Variants in AKR1C1 observed in about 807,000 individuals in gnomAD.
AKR1C1 encodes 20 alpha-hydroxysteroid dehydrogenase.
Under a neutral mutation model 40.6 loss-of-function variants are expected in AKR1C1, and 32 were observed. The ratio of observed to expected loss-of-function variants is 0.79; its 90% CI spans 0.60 to 1.06. The LOEUF is 1.06. Ranked by LOEUF, AKR1C1 falls within the 50% of genes least tolerant of loss-of-function variation. The probability of loss-of-function intolerance (pLI) is 0.00; values close to 1 mark genes in which losing one functional copy is unlikely to be tolerated. For synonymous variants in AKR1C1, 105 were observed against 134.2 expected (o/e 0.78, Z 1.50); for missense variants, 320 against 363.5 (o/e 0.88, Z 0.97).
At position 4,979,525 on chromosome 10, in the gene AKR1C1, A is replaced by G. The variant is rs549598610; in HGVS notation, c.*1783A>G. 8 of 152,236 alleles carry G rather than the reference A, an allele frequency of 5.3e-5. No individual in the cohort carries two copies. The East Asian group carries it at 1.3e-3, about 26-fold the overall frequency. 9.4% of individuals were successfully genotyped at this position (152,236 alleles called of 1,614,324 possible). On this transcript the variant is annotated 3_prime_UTR_variant, in exon 9 of 9. Coordinates refer to ENST00000380872, the MANE Select transcript of AKR1C1 (RefSeq NM_001353.6). ...CATAAACTTGACTGATGTAAGTGTC[A>G]AGAAAAGATTGACATTTTGTTAAAA... is the stretch of plus-strand genomic sequence containing the variant.
In AKR1C1 at chr10:4,980,212, A is replaced by G. The variant is rs1836595010; in HGVS notation, c.*2470A>G. The stretch of plus-strand genomic sequence containing the variant: ...CATCACCACAGCAATCACAAAGAGA[A>G]TAATTATGAATATACGCAAGAGGAA... On this transcript the variant is annotated 3_prime_UTR_variant, in exon 9 of 9. Coordinates refer to ENST00000380872, the MANE Select transcript of AKR1C1 (RefSeq NM_001353.6). 6.6e-6 allele frequency: 1 copy of G among 151,982 alleles called. No homozygotes were observed. Among genetic ancestry groups the G allele is most frequent in the South Asian group, 2.1e-4 (1 of 4,806 alleles). The allele number at this position is 151,982 out of a possible 1,614,324, so 9.4% of individuals were successfully genotyped here. A position where few individuals can be genotyped will look rare whatever the true frequency, so the allele number is the denominator to read the frequency against.
In AKR1C1 at chr10:4,977,782, G is replaced by C. The variant is rs35289491; in HGVS notation, c.*40G>C. On this transcript the variant is annotated 3_prime_UTR_variant, in exon 9 of 9. Transcript: ENST00000380872. ...CATGAGGTCTGCCAGAAGGCCCTGC[G>C]TGTGGATGGTGACACAGAGGATGGC... 2.0e-6 allele frequency: 3 copies of C among 1,494,678 alleles called. No individual in the cohort carries two copies. Among genetic ancestry groups the C allele is most frequent in the African/African-American group, 1.4e-5 (1 of 71,840 alleles). 92.6% of individuals were successfully genotyped at this position (1,494,678 alleles called of 1,614,324 possible).
At position 4,982,847 on chromosome 10, in the gene AKR1C1, T is replaced by G; in HGVS notation, c.*5105T>G. On this transcript the variant is annotated 3_prime_UTR_variant, in exon 9 of 9. Transcript: ENST00000380872. ...CTGTTCCCAGGAAGGAGAAAATGCCTGCATGAGCTCAGCTGTTACCACTGC... is the reference window on the plus strand; with the variant it reads ...CTGTTCCCAGGAAGGAGAAAATGCCGGCATGAGCTCAGCTGTTACCACTGC... The G allele has an allele frequency of 2.5e-6, 1 of 393,312 alleles. No individual in the cohort carries two copies. Among genetic ancestry groups the G allele is most frequent in the Non-Finnish European group, 5.1e-6 (1 of 196,340 alleles). 24.4% of individuals were successfully genotyped at this position (393,312 alleles called of 1,614,324 possible). A position where few individuals can be genotyped will look rare whatever the true frequency, so the allele number is the denominator to read the frequency against.
chr10:4,973,662 G>A (rs3890593), intron 7 of AKR1C1, among the ~76,000 whole-genome samples: 50,227 of 151,978 alleles, frequency 0.33, 9,229 homozygotes, highest in African/African-American at 0.49. Context: ...GTTGGAAGGA[G>A]CTGGAAATTC....
At chr10:4,971,382 C>G (rs559947057) in intron 5 of AKR1C1, among the ~76,000 whole-genome samples, 1 of 151,802 alleles carries the variant, frequency 6.6e-6, no homozygotes, top group African/African-American at 2.4e-5. Flanking sequence ...TCAGAGTAGA[C>G]AAAGATTGTT....
In AKR1C1 at chr10:4,981,680, G is replaced by A. The variant is rs1359004747; in HGVS notation, c.*3938G>A. On this transcript the variant is annotated 3_prime_UTR_variant, in exon 9 of 9. Transcript: ENST00000380872. ...CATCCCCAGATTCTGAGGGGAGAGA[G>A]TTCACTCCAGAGCATACATCCCCAC... 2.0e-5 allele frequency: 3 copies of A among 152,242 alleles called. No individual in the cohort carries two copies. Among genetic ancestry groups the A allele is most frequent in the African/African-American group, 7.2e-5 (3 of 41,446 alleles). The allele number at this position is 152,242 out of a possible 1,614,324, so 9.4% of individuals were successfully genotyped here.
At chr10:4,969,376 A>G (rs1836388207) in intron 5 of AKR1C1, among the ~76,000 whole-genome samples, 1 of 152,268 alleles carries the variant, frequency 6.6e-6, no homozygotes, top group Admixed American at 6.5e-5. Flanking sequence ...CTAGGGATTC[A>G]CATGGGCTTC....
chr10:4,969,833 CTT>C, intron 5 of AKR1C1: 2 of 1,288,590 alleles, frequency 1.6e-6, no homozygotes, highest in South Asian at 1.3e-5. Context: ...TGTTTTAAAA[CTT>C]AGAGTCAATC....
intron 3 of AKR1C1, chr10:4,967,785 C>T: frequency 4.3e-6 from 1 of 229,886 alleles, no homozygotes; most frequent in Non-Finnish European, 7.2e-6. Flanking sequence ...GCATTTATGG[C>T]TTTGGAGCAC....
intron 5 of AKR1C1, chr10:4,969,531 G>A: frequency 1.3e-6 from 1 of 769,118 alleles, no homozygotes; most frequent in South Asian, 1.7e-5. Flanking sequence ...TGTTCACAGT[G>A]GATGAAATCC....
chr10:4,972,548 G>A, intron 6 of AKR1C1, 36 bp from the exon 7 acceptor site: 5 of 1,610,870 alleles, frequency 3.1e-6, no homozygotes, highest in Non-Finnish European at 4.2e-6. Flanking sequence ...TGTATCCCCA[G>A]CCTCAGGGCC....
rs1255419324 is a variant in AKR1C1 at position 4,978,846 on chromosome 10, A to G, written c.*1104A>G. ...CTGGTTTCAAACTTTGGTAAATTTT[A>G]AGAACAACTCTTACAAAGGCATTTA... On this transcript the variant is annotated 3_prime_UTR_variant, in exon 9 of 9. Coordinates refer to ENST00000380872, the MANE Select transcript of AKR1C1 (RefSeq NM_001353.6). 2 of 152,240 alleles carry G rather than the reference A, an allele frequency of 1.3e-5. No individual in the cohort carries two copies. The highest frequency in any genetic ancestry group is 2.9e-5 in the Non-Finnish European group (2 of 68,034). The allele number at this position is 152,240 out of a possible 1,614,324, so 9.4% of individuals were successfully genotyped here.
At position 4,981,536 on chromosome 10, in the gene AKR1C1, T is replaced by C. The variant is rs1179166926; in HGVS notation, c.*3794T>C. ...GGAGATTAGTGTGTAGAGATTTACA[T>C]TGTGAATTTCTTTTCAAGAACCAAT... On this transcript the variant is annotated 3_prime_UTR_variant, in exon 9 of 9. Transcript: ENST00000380872. 14 of 152,194 alleles carry C rather than the reference T, an allele frequency of 9.2e-5. No individual in the cohort carries two copies. Among genetic ancestry groups the C allele is most frequent in the Non-Finnish European group, 2.9e-5 (2 of 68,024 alleles). 9.4% of individuals were successfully genotyped at this position (152,194 alleles called of 1,614,324 possible).
intron 4 of AKR1C1, 95 bp from the exon 5 acceptor site, chr10:4,968,727 G>A: frequency 6.3e-7 from 1 of 1,577,706 alleles, no homozygotes; most frequent in Non-Finnish European, 8.6e-7. Flanking sequence ...ACCACGGCTA[G>A]CTAGTTTTAT....
chr10:4,965,652 A>C (rs1439464721), intron 1 of AKR1C1: 2 of 370,328 alleles, frequency 5.4e-6, no homozygotes, highest in Non-Finnish European at 9.6e-6. Context: ...CCAAAAAATG[A>C]CTGAACCTGA....
intron 3 of AKR1C1, chr10:4,967,257 T>C (rs7076886): frequency 0.31 from 305,734 of 1,001,984 alleles, 50,328 homozygotes; most frequent in African/African-American, 0.58. Flanking sequence ...AGTGCAGAAC[T>C]CTCAAAGCCT....
chr10:4,972,924 G>A (rs1412808891), intron 7 of AKR1C1, among the ~76,000 whole-genome samples, 175 bp downstream of exon 7: 3 of 152,282 alleles, frequency 2.0e-5, no homozygotes, highest in African/African-American at 7.2e-5. Context: ...AGAGGCAACA[G>A]AGGTGGAGAG....
intron 2 of AKR1C1, 44 bp from the exon 3 acceptor site, chr10:4,966,883 G>C (rs535552767): frequency 1.6e-4 from 255 of 1,558,366 alleles, no homozygotes; most frequent in Non-Finnish European, 2.2e-4. Context: ...AGTAAAATTG[G>C]CTCAAGTTTT....
chr10:4,966,063 C>T lies in AKR1C1; in HGVS notation c.234C>T (p.Asp78=), dbSNP rs745663747. 8 of 1,613,734 alleles carry T rather than the reference C, an allele frequency of 5.0e-6. No individual in the cohort carries two copies. Among genetic ancestry groups the T allele is most frequent in the Non-Finnish European group, 5.9e-6 (7 of 1,179,800 alleles). The change falls in exon 2 of 9, where the codon GAC becomes GAT. Residue 78 remains aspartate (D), a synonymous_variant. Coordinates refer to ENST00000380872, the MANE Select transcript of AKR1C1 (RefSeq NM_001353.6). ...KIADGSVKRE[D]IFYTSKLWCN... ...CAGATGGCAGTGTGAAGAGAGAAGA[C>T]ATATTCTACACTTCAAAGGTACTGT...
Sources: gnomAD v4.1 joint callset for allele counts (sites outside exome capture counted in the v4.1 genomes callset) on GRCh38, gnomAD v4.1.1 for gene constraint, MANE v1.5 for transcripts, NCBI Gene and HGNC (gene_info 2026-07-23, HGNC 2026-07-21) for gene names.